The following DCAF8L2 variants were observed in gnomAD, a reference collection of about 807,000 sequenced individuals.
DCAF8L2 encodes the protein DDB1 and CUL4 associated factor 8 like 2, also known as DDB1- and CUL4-associated factor 8-like protein 2.
For missense variants in DCAF8L2, 430 were observed against 490.7 expected (o/e 0.88, Z 1.17); for synonymous variants, 200 against 190.9 (o/e 1.05, Z -0.39).
At chrX:27,533,164 G>GGA in the DCAF8L2 span, among the ~76,000 whole-genome samples, 1 of 17,351 alleles carries the variant, frequency 5.8e-5, no homozygotes, top group Non-Finnish European at 1.4e-4. Context: ...GAGAGAGAGA[G>GGA]AGAAAGAAAG....
chrX:27,605,742 C>T (rs1284328891), intron 1 of DCAF8L2, among the ~76,000 whole-genome samples: 2 of 111,272 alleles, frequency 1.8e-5, no homozygotes, highest in African/African-American at 6.5e-5. Flanking sequence ...CAAAAAAGAG[C>T]GACATACCTG....
At chrX:27,689,080 A>G (rs778511910) in intron 3 of DCAF8L2, among the ~76,000 whole-genome samples, 2 of 112,313 alleles carry the variant, frequency 1.8e-5, no homozygotes, top group Non-Finnish European at 3.8e-5. Context: ...ATTCTAAATC[A>G]TTCCCCCTTT....
chrX:27,569,893 A>C, the DCAF8L2 span, among the ~76,000 whole-genome samples: 1 of 111,778 alleles, frequency 8.9e-6, no homozygotes, highest in African/African-American at 3.2e-5. Context: ...TAAGAAAGTT[A>C]ATAATATCCT....
chrX:27,587,448 C>T (rs966140219), upstream of DCAF8L2, among the ~76,000 whole-genome samples: 1 of 111,641 alleles, frequency 9.0e-6, no homozygotes, highest in Admixed American at 9.5e-5. Context: ...ATATACTCTT[C>T]ACCTTAAATA....
At chrX:27,723,681 C>T (rs1440305608) in intron 4 of DCAF8L2, among the ~76,000 whole-genome samples, 2 of 111,048 alleles carry the variant, frequency 1.8e-5, no homozygotes, top group African/African-American at 6.5e-5. Context: ...AATACAAATG[C>T]AATTCCCCTT....
chrX:27,478,127 A>G, the DCAF8L2 span, among the ~76,000 whole-genome samples: 1 of 111,981 alleles, frequency 8.9e-6, no homozygotes, highest in Non-Finnish European at 1.9e-5. Flanking sequence ...CTTTATGCAG[A>G]GCTTAAAATA....
At chrX:27,626,577 G>A (rs956698726) in intron 1 of DCAF8L2, among the ~76,000 whole-genome samples, 2 of 111,971 alleles carry the variant, frequency 1.8e-5, no homozygotes, top group Admixed American at 9.5e-5. Flanking sequence ...AGATGATGTT[G>A]AGTAAAAATT....
At chrX:27,482,988 G>C in the DCAF8L2 span, among the ~76,000 whole-genome samples, 1 of 111,127 alleles carries the variant, frequency 9.0e-6, no homozygotes, top group African/African-American at 3.3e-5. Flanking sequence ...CATTATGTTT[G>C]TGTTTTCATT....
intron 2 of DCAF8L2, among the ~76,000 whole-genome samples, chrX:27,664,471 A>G (rs1191067982): frequency 1.8e-5 from 2 of 112,624 alleles, no homozygotes; most frequent in Admixed American, 1.9e-4. Flanking sequence ...AGCCATCTCC[A>G]TAACATAAAA....
At chrX:27,469,198 T>C in the DCAF8L2 span, among the ~76,000 whole-genome samples, 1 of 112,249 alleles carries the variant, frequency 8.9e-6, no homozygotes, top group Non-Finnish European at 1.9e-5. Flanking sequence ...TTCAGTGCCA[T>C]GTTCTCTCTT....
At chrX:27,706,113 G>C (rs1389350188) in intron 3 of DCAF8L2, among the ~76,000 whole-genome samples, 1 of 111,078 alleles carries the variant, frequency 9.0e-6, no homozygotes, top group African/African-American at 3.3e-5. Context: ...TAGGTGTGCA[G>C]CCTTATTTCT....
At chrX:27,637,859 T>C (rs1928563866) in intron 2 of DCAF8L2, among the ~76,000 whole-genome samples, 1 of 111,457 alleles carries the variant, frequency 9.0e-6, no homozygotes, top group African/African-American at 3.3e-5. Context: ...TTAAAAACAA[T>C]ACAATTGCTT....
At chrX:27,478,585 A>T in the DCAF8L2 span, among the ~76,000 whole-genome samples, 1 of 112,254 alleles carries the variant, frequency 8.9e-6, no homozygotes, top group Middle Eastern at 4.4e-3. Flanking sequence ...TAGTCAAACT[A>T]TTCTGTAATA....
At chrX:27,555,519 A>G in the DCAF8L2 span, among the ~76,000 whole-genome samples, 2 of 112,048 alleles carry the variant, frequency 1.8e-5, no homozygotes. Flanking sequence ...GTTGTTGTCA[A>G]ATATCAAACC....
intron 1 of DCAF8L2, chrX:27,627,440 T>C (rs1928063537): frequency 9.1e-6 from 1 of 110,244 alleles, no homozygotes; most frequent in Admixed American, 9.8e-5. Context: ...ACACCCATGA[T>C]CCCATCACCA....
At chrX:27,718,438 G>A (rs886642906) in intron 4 of DCAF8L2, among the ~76,000 whole-genome samples, 26 of 111,863 alleles carry the variant, frequency 2.3e-4, no homozygotes, top group African/African-American at 7.1e-4. Context: ...CTTCTAGTTT[G>A]TGTATAAGCC....
intron 3 of DCAF8L2, among the ~76,000 whole-genome samples, chrX:27,692,177 C>G: frequency 8.9e-6 from 1 of 111,769 alleles, no homozygotes; most frequent in Non-Finnish European, 1.9e-5. Flanking sequence ...TGTGTATGAA[C>G]CTACCTACGT....
At chrX:27,615,496 C>T (rs143091034) in intron 1 of DCAF8L2, among the ~76,000 whole-genome samples, 238 of 104,897 alleles carry the variant, frequency 2.3e-3, no homozygotes, top group Non-Finnish European at 3.5e-3. Context: ...TATGATTAAA[C>T]GCACAAAAAA....
At chrX:27,479,680 T>G in the DCAF8L2 span, among the ~76,000 whole-genome samples, 1 of 112,108 alleles carries the variant, frequency 8.9e-6, no homozygotes, top group Admixed American at 9.5e-5. Flanking sequence ...AGAGGAAACA[T>G]AATTTTGAAT....
Sources: gnomAD v4.1 joint callset for allele counts (sites outside exome capture counted in the v4.1 genomes callset) on GRCh38, gnomAD v4.1.1 for gene constraint, MANE v1.5 for transcripts, NCBI Gene and HGNC (gene_info 2026-07-23, HGNC 2026-07-21) for gene names.